The following SIDT1 variants were observed in gnomAD, a reference collection of about 807,000 sequenced individuals.
SIDT1 encodes the protein SID1 transmembrane family member 1.
A neutral mutation model predicts 107.5 loss-of-function variants in SIDT1; 101 were observed. The ratio of observed to expected loss-of-function variants is 0.94; its 90% CI spans 0.80 to 1.11. The LOEUF (loss-of-function observed/expected upper bound fraction) is 1.11, where lower values mean the gene tolerates loss of function less well. Among genes scored for constraint, SIDT1 ranks in the 50% least tolerant of loss-of-function variants. SIDT1 has a pLI of 0.00. For synonymous variants in SIDT1, 395 were observed against 398.2 expected (o/e 0.99, Z 0.10); for missense variants, 1,076 against 1,058.2 (o/e 1.02, Z -0.23).
chr3:113,580,079 T>C (rs1369813308), intron 4 of SIDT1, among the ~76,000 whole-genome samples: 1 of 152,240 alleles, frequency 6.6e-6, no homozygotes. Context: ...GTTCTCACTA[T>C]ATTCCAGCCA....
intron 12 of SIDT1, 112 bp downstream of exon 12, chr3:113,603,262 T>C (rs1440832964): frequency 3.5e-6 from 4 of 1,143,898 alleles, no homozygotes; most frequent in Non-Finnish European, 4.9e-6. Flanking sequence ...GAAACCCAAA[T>C]TTCCCAGAAG....
chr3:113,546,302 A>G (rs1405957847), intron 1 of SIDT1, among the ~76,000 whole-genome samples: 7 of 152,228 alleles, frequency 4.6e-5, no homozygotes, highest in African/African-American at 1.4e-4. Context: ...TTCTTGCCAA[A>G]AAGAACATTT....
chr3:113,597,166 G>A (rs528778485), intron 10 of SIDT1, among the ~76,000 whole-genome samples: 11 of 152,146 alleles, frequency 7.2e-5, no homozygotes, highest in Middle Eastern at 3.4e-3. Flanking sequence ...GAAACAAAAC[G>A]TGACACTAAG....
At chr3:113,577,318 G>C (rs1042758389) in intron 4 of SIDT1, among the ~76,000 whole-genome samples, 1 of 152,204 alleles carries the variant, frequency 6.6e-6, no homozygotes, top group Non-Finnish European at 1.5e-5. Context: ...CACAACTTCT[G>C]CCATTATGAA....
At position 113,565,360 on chromosome 3, in the gene SIDT1, C is replaced by T. The variant is rs908170665; in HGVS notation, c.223-1060C>T. Among the ~76,000 whole-genome samples the T allele has an allele frequency of 5.9e-5, 9 of 152,022 alleles. No homozygotes were observed. The East Asian group carries it at 1.5e-3, about 26-fold the overall frequency. ...CAGCCTGGCCAACATGGTGAAACCC[C>T]ATCTCTACTAAAAATACAAAAATTA... On this transcript the variant is annotated intron_variant, in intron 1 of 24. Coordinates refer to ENST00000264852, the MANE Select transcript of SIDT1 (RefSeq NM_017699.3).
downstream of SIDT1, among the ~76,000 whole-genome samples, chr3:113,631,152 A>C (rs1239040820): frequency 6.6e-6 from 1 of 152,170 alleles, no homozygotes; most frequent in Non-Finnish European, 1.5e-5. Context: ...GTGACACCTC[A>C]TCACTGCTGT....
intron 4 of SIDT1, 148 bp from the exon 5 acceptor site, chr3:113,580,460 A>T (rs947787324): frequency 7.2e-5 from 44 of 608,932 alleles, no homozygotes; most frequent in Middle Eastern, 4.2e-4. Context: ...GCGCAGATTT[A>T]GTTTCTCAAT....
chr3:113,599,519 G>C (rs1238547121), intron 10 of SIDT1, among the ~76,000 whole-genome samples: 1 of 152,212 alleles, frequency 6.6e-6, no homozygotes, highest in Non-Finnish European at 1.5e-5. Flanking sequence ...GATAAGTTTT[G>C]TCTAATACAA....
At chr3:113,534,663 C>T (rs1937896622) in intron 1 of SIDT1, among the ~76,000 whole-genome samples, 1 of 152,174 alleles carries the variant, frequency 6.6e-6, no homozygotes, top group South Asian at 2.1e-4. Flanking sequence ...CTGTGATTGG[C>T]TGGGAGCAGA....
chr3:113,576,152 C>T (rs1204611093), intron 3 of SIDT1, among the ~76,000 whole-genome samples: 1 of 152,242 alleles, frequency 6.6e-6, no homozygotes, highest in Non-Finnish European at 1.5e-5. Flanking sequence ...CCAATTTATG[C>T]TTCCTAACTC....
At chr3:113,582,644 C>T (rs1310291720) in intron 6 of SIDT1, among the ~76,000 whole-genome samples, 1 of 152,056 alleles carries the variant, frequency 6.6e-6, no homozygotes, top group Admixed American at 6.6e-5. Context: ...TGTTACTTCT[C>T]TTTTGGGGCC....
At position 113,608,154 on chromosome 3, in the gene SIDT1, G is replaced by A. The variant is rs1945471958; in HGVS notation, c.1539G>A (p.Leu513=). ...GHVLLGFLFL[L]IVLRRDILHR... is the part of the protein sequence containing the mutation. ...TGCTTCTGGGCTTCCTCTTCCTGCT[G>A]ATAGTCTTGCGCCGCGACATCCTCC... is the stretch of plus-strand genomic sequence containing the variant. The change falls in exon 16 of 25, where the codon CTG becomes CTA. Residue 513 remains leucine (L), a synonymous_variant. Coordinates refer to ENST00000264852, the MANE Select transcript of SIDT1 (RefSeq NM_017699.3). 4.3e-6 allele frequency: 7 copies of A among 1,612,588 alleles called. No individual in the cohort carries two copies. In the East Asian group the frequency reaches 1.6e-4, roughly 36 times the overall value.
chr3:113,536,363 C>T (rs1938163718), intron 1 of SIDT1, among the ~76,000 whole-genome samples: 1 of 152,166 alleles, frequency 6.6e-6, no homozygotes. Context: ...TGAACAAAGT[C>T]TTGATAAGGT....
chr3:113,533,997 C>T (rs1321885160), intron 1 of SIDT1, among the ~76,000 whole-genome samples: 1 of 152,074 alleles, frequency 6.6e-6, no homozygotes, highest in Non-Finnish European at 1.5e-5. Context: ...GATTATATAA[C>T]GTAAGAAGAT....
At chr3:113,582,209 T>C in intron 6 of SIDT1, among the ~76,000 whole-genome samples, 1 of 152,234 alleles carries the variant, frequency 6.6e-6, no homozygotes, top group Non-Finnish European at 1.5e-5. Flanking sequence ...ATTTCAATTG[T>C]AATTTTATAA....
intron 1 of SIDT1, among the ~76,000 whole-genome samples, chr3:113,536,759 T>A (rs910338424): frequency 6.6e-6 from 1 of 152,248 alleles, no homozygotes; most frequent in Non-Finnish European, 1.5e-5. Context: ...AAAAAATCAC[T>A]GAGAGAATGG....
chr3:113,626,060 A>T (rs779505514), intron 23 of SIDT1, 42 bp from the exon 24 acceptor site: 36 of 1,335,382 alleles, frequency 2.7e-5, no homozygotes, highest in Non-Finnish European at 3.7e-5. Flanking sequence ...GAACAGTTGA[A>T]CTGTGGGAAT....
chr3:113,571,370 T>C (rs1244035102), intron 3 of SIDT1, among the ~76,000 whole-genome samples: 1 of 152,182 alleles, frequency 6.6e-6, no homozygotes, highest in Non-Finnish European at 1.5e-5. Context: ...TGAGCCATGA[T>C]TGTGCCACTG....
chr3:113,557,114 C>T (rs1020982646), intron 1 of SIDT1, among the ~76,000 whole-genome samples: 2 of 152,264 alleles, frequency 1.3e-5, no homozygotes, highest in East Asian at 1.9e-4. Flanking sequence ...GTAATCCCAG[C>T]TTATGTTTGC....
Sources: gnomAD v4.1 joint callset for allele counts (sites outside exome capture counted in the v4.1 genomes callset) on GRCh38, gnomAD v4.1.1 for gene constraint, MANE v1.5 for transcripts, NCBI Gene and HGNC (gene_info 2026-07-23, HGNC 2026-07-21) for gene names.